PDLIM5: variants seen among roughly 807,000 people sequenced by gnomAD.
The protein encoded by PDLIM5 is PDZ and LIM domain protein 5.
In PDLIM5, 34 loss-of-function variants were observed where a neutral mutation model predicts 64.2. The ratio of observed to expected loss-of-function variants is 0.53; its 90% CI spans 0.40 to 0.71. The LOEUF (loss-of-function observed/expected upper bound fraction) is 0.71, where lower values mean the gene tolerates loss of function less well. Among genes scored for constraint, PDLIM5 ranks in the 30% least tolerant of loss-of-function variants. The pLI, the probability that PDLIM5 is intolerant of heterozygous loss-of-function variation, is 0.00. For missense variants in PDLIM5, 683 were observed against 733.6 expected (o/e 0.93, Z 0.80); for synonymous variants, 253 against 269.1 (o/e 0.94, Z 0.59).
chr4:94,625,760 G>C (rs1002804296), intron 8 of PDLIM5, among the ~76,000 whole-genome samples: 5 of 152,074 alleles, frequency 3.3e-5, no homozygotes, highest in Non-Finnish European at 5.9e-5. Flanking sequence ...GCCAATATTA[G>C]ACATTCTTAA....
chr4:94,553,177 T>C (rs1455013483), intron 3 of PDLIM5, among the ~76,000 whole-genome samples: 2 of 152,032 alleles, frequency 1.3e-5, no homozygotes, highest in South Asian at 4.2e-4. Context: ...CAGGCTGGAG[T>C]GCAGTGGTAA....
chr4:94,662,945 T>C (rs1054554463), intron 12 of PDLIM5, among the ~76,000 whole-genome samples: 1 of 152,118 alleles, frequency 6.6e-6, no homozygotes, highest in African/African-American at 2.4e-5. Flanking sequence ...GGGAATAAAC[T>C]ATATGTTGAG....
intron 7 of PDLIM5, among the ~76,000 whole-genome samples, chr4:94,589,047 T>C (rs1487778797): frequency 1.3e-5 from 2 of 152,222 alleles, no homozygotes; most frequent in African/African-American, 2.4e-5. Flanking sequence ...TATAACTGTG[T>C]CTCTGGCCTC....
In PDLIM5 at chr4:94,539,294, C is replaced by T. The variant is rs533768518; in HGVS notation, c.248+15419C>T. ...GTCTATTTATAATATGTAATTCATACCCCGAATTCATTTGCAGTGTAGAAA... is the reference window on the plus strand; with the variant it reads ...GTCTATTTATAATATGTAATTCATATCCCGAATTCATTTGCAGTGTAGAAA... On this transcript the variant is annotated intron_variant, in intron 3 of 12. Transcript: ENST00000317968. 7.2e-5 allele frequency among the ~76,000 whole-genome samples: 11 copies of T among 152,098 alleles called. No individual in the cohort carries two copies. In the South Asian group the frequency reaches 2.1e-3, roughly 29 times the overall value.
intron 3 of PDLIM5, among the ~76,000 whole-genome samples, chr4:94,560,439 T>G (rs1267846681): frequency 1.3e-5 from 2 of 152,204 alleles, no homozygotes; most frequent in Non-Finnish European, 2.9e-5. Context: ...TGGCAGCCAA[T>G]AACTGACATT....
In PDLIM5 at chr4:94,666,115, T is replaced by G; in HGVS notation, c.*2048T>G. On this transcript the variant is annotated 3_prime_UTR_variant, in exon 13 of 13. Coordinates refer to ENST00000317968, the MANE Select transcript of PDLIM5 (RefSeq NM_006457.5). ...TAGTCGAGACAGAGCCCTAGGTCCT[T>G]CCTGCCCCATCACTCACTTACGACA... 3.0e-6 allele frequency: 3 copies of G among 1,010,982 alleles called. No individual in the cohort carries two copies. Among genetic ancestry groups the G allele is most frequent in the Non-Finnish European group, 4.4e-6 (3 of 687,164 alleles). 62.6% of individuals were successfully genotyped at this position (1,010,982 alleles called of 1,614,324 possible).
intron 3 of PDLIM5, among the ~76,000 whole-genome samples, chr4:94,537,600 G>A (rs1731423853): frequency 6.6e-6 from 1 of 152,080 alleles, no homozygotes; most frequent in African/African-American, 2.4e-5. Context: ...TTAGTGCATA[G>A]TAGGAATTTA....
At chr4:94,481,204 A>G (rs1409060753) in intron 2 of PDLIM5, among the ~76,000 whole-genome samples, 3 of 151,860 alleles carry the variant, frequency 2.0e-5, no homozygotes, top group African/African-American at 4.8e-5. Flanking sequence ...TAAGTTTTCA[A>G]TATTTTCAAA....
intron 9 of PDLIM5, 149 bp downstream of exon 9, chr4:94,640,599 ATATC>A (rs1740929477): frequency 4.1e-6 from 2 of 493,434 alleles, no homozygotes; most frequent in Non-Finnish European, 7.1e-6. Context: ...GTAAATACGA[ATATC>A]TATCTATGAG....
chr4:94,639,802 A>G (rs923533058), intron 8 of PDLIM5, among the ~76,000 whole-genome samples: 2 of 152,114 alleles, frequency 1.3e-5, no homozygotes, highest in South Asian at 2.1e-4. Context: ...AAGCAGAGGT[A>G]TGTATCACCT....
chr4:94,525,200 C>G (rs1463110207), intron 3 of PDLIM5, among the ~76,000 whole-genome samples: 2 of 152,118 alleles, frequency 1.3e-5, no homozygotes, highest in African/African-American at 4.8e-5. Context: ...GGGTGGATCA[C>G]CTGAGGTCAG....
At chr4:94,602,460 G>A (rs1311402675) in intron 7 of PDLIM5, among the ~76,000 whole-genome samples, 2 of 151,942 alleles carry the variant, frequency 1.3e-5, no homozygotes, top group South Asian at 2.1e-4. Context: ...CCTGCAGCCT[G>A]GTTTCTTTTT....
chr4:94,483,240 T>A (rs976967557), intron 2 of PDLIM5, among the ~76,000 whole-genome samples: 2 of 152,112 alleles, frequency 1.3e-5, no homozygotes, highest in African/African-American at 4.8e-5. Context: ...TTCCTTCTGA[T>A]CATAATTTTA....
chr4:94,657,316 T>G, intron 10 of PDLIM5, 111 bp from the exon 11 acceptor site: 1 of 658,694 alleles, frequency 1.5e-6, no homozygotes, highest in Non-Finnish European at 2.6e-6. Flanking sequence ...GAAGTATGTG[T>G]GCCTACTTTG....
chr4:94,644,282 G>A (rs1290594521), intron 9 of PDLIM5, among the ~76,000 whole-genome samples: 2 of 152,156 alleles, frequency 1.3e-5, no homozygotes, highest in Non-Finnish European at 1.5e-5. Context: ...AGTTGCATAT[G>A]TAGTAGATAA....
intron 5 of PDLIM5, chr4:94,584,688 T>C: frequency 3.0e-6 from 1 of 331,984 alleles, no homozygotes; most frequent in Non-Finnish European, 5.4e-6. Flanking sequence ...TCGGAATTGC[T>C]AGTTTAGCCT....
At chr4:94,465,491 C>T (rs528890775) in intron 2 of PDLIM5, among the ~76,000 whole-genome samples, 1 of 152,260 alleles carries the variant, frequency 6.6e-6, no homozygotes, top group African/African-American at 2.4e-5. Flanking sequence ...ACCTCCACGT[C>T]CTGGGTTCAA....
chr4:94,545,599 G>T (rs1326595842), intron 3 of PDLIM5, among the ~76,000 whole-genome samples: 2 of 152,198 alleles, frequency 1.3e-5, no homozygotes, highest in East Asian at 3.8e-4. Flanking sequence ...AAGGTTGGAG[G>T]TCACTGTTTC....
At chr4:94,533,675 C>T (rs536311310) in intron 3 of PDLIM5, among the ~76,000 whole-genome samples, 1 of 152,264 alleles carries the variant, frequency 6.6e-6, no homozygotes, top group South Asian at 2.1e-4. Flanking sequence ...AATGAAATAG[C>T]CTATGTAAAG....
Sources: gnomAD v4.1 joint callset for allele counts (sites outside exome capture counted in the v4.1 genomes callset) on GRCh38, gnomAD v4.1.1 for gene constraint, MANE v1.5 for transcripts, NCBI Gene and HGNC (gene_info 2026-07-23, HGNC 2026-07-21) for gene names.